Variants in ELAVL2 observed in about 807,000 individuals in gnomAD.
ELAVL2 encodes ELAV like RNA binding protein 2, also known as ELAV-like protein 2.
ELAVL2 carries 4 observed loss-of-function variants against 34.6 expected under a neutral mutation model. The observed-to-expected ratio is 0.12, with a 90% CI of 0.06 to 0.26. ELAVL2 has a LOEUF of 0.26. Ranked by LOEUF, ELAVL2 falls within the 10% of genes least tolerant of loss-of-function variation. The probability of loss-of-function intolerance (pLI) is 1.00; values close to 1 mark genes in which losing one functional copy is unlikely to be tolerated. For synonymous variants in ELAVL2, 193 were observed against 154.8 expected (o/e 1.25, Z -1.83); for missense variants, 432 against 442.8 (o/e 0.98, Z 0.22).
intron 2 of ELAVL2, among the ~76,000 whole-genome samples, chr9:23,737,750 C>T (rs2048237197): frequency 6.6e-6 from 1 of 152,064 alleles, no homozygotes; most frequent in South Asian, 2.1e-4. Flanking sequence ...GAATAAAAGC[C>T]GTGTGAATCT....
chr9:23,704,015 C>T (rs889643022), intron 4 of ELAVL2, among the ~76,000 whole-genome samples: 5 of 152,136 alleles, frequency 3.3e-5, no homozygotes, highest in African/African-American at 1.2e-4. Context: ...TCACCGTGAC[C>T]TCCGCCTCTG....
At chr9:23,745,548 G>GAA (rs963626965) in intron 2 of ELAVL2, among the ~76,000 whole-genome samples, 1 of 151,446 alleles carries the variant, frequency 6.6e-6, no homozygotes, top group Non-Finnish European at 1.5e-5. Flanking sequence ...TACTTGCTGG[G>GAA]AAAAAAAACA....
At chr9:23,748,855 A>G (rs763900572) in intron 2 of ELAVL2, among the ~76,000 whole-genome samples, 8 of 152,164 alleles carry the variant, frequency 5.3e-5, no homozygotes, top group Non-Finnish European at 1.2e-4. Flanking sequence ...AACAATTATC[A>G]TAATTTACTT....
At chr9:23,808,942 T>A (rs541804823) in intron 1 of ELAVL2, among the ~76,000 whole-genome samples, 33 of 152,284 alleles carry the variant, frequency 2.2e-4, no homozygotes, top group Non-Finnish European at 4.3e-4. Context: ...ACAAAATCTC[T>A]GGTAGTCTTC....
chr9:23,816,320 A>T (rs1383217985), intron 1 of ELAVL2, among the ~76,000 whole-genome samples: 4 of 139,384 alleles, frequency 2.9e-5, no homozygotes, highest in African/African-American at 8.2e-5. Flanking sequence ...CTTTCAGTAA[A>T]AAAAAAAAAA....
At chr9:23,701,342 G>T in intron 5 of ELAVL2, 37 bp downstream of exon 5, 1 of 1,604,214 alleles carries the variant, frequency 6.2e-7, no homozygotes, top group Non-Finnish European at 8.5e-7. Context: ...TTCTCTTTCA[G>T]TTTAGTAGCT....
chr9:23,791,144 T>A (rs969522769), intron 1 of ELAVL2, among the ~76,000 whole-genome samples: 1 of 152,154 alleles, frequency 6.6e-6, no homozygotes, highest in Non-Finnish European at 1.5e-5. Flanking sequence ...ATATCAATTG[T>A]CAAAACTCAA....
intron 1 of ELAVL2, among the ~76,000 whole-genome samples, chr9:23,768,091 T>C (rs527800520): frequency 1.2e-4 from 19 of 152,172 alleles, no homozygotes; most frequent in Non-Finnish European, 2.4e-4. Flanking sequence ...CTTAACAATG[T>C]TCCCAGGTAG....
intron 1 of ELAVL2, chr9:23,779,468 G>GGGCTTCCTTCT: frequency 4.2e-6 from 4 of 951,442 alleles, no homozygotes; most frequent in Non-Finnish European, 5.0e-6. Context: ...GTGGGTGGGC[G>GGGCTTCCTTCT]GGCTTCCTTC....
chr9:23,803,216 G>A (rs1161809686), intron 1 of ELAVL2, among the ~76,000 whole-genome samples: 1 of 152,116 alleles, frequency 6.6e-6, no homozygotes, highest in Non-Finnish European at 1.5e-5. Flanking sequence ...AGAAAAAAAC[G>A]TGAATCATCT....
At chr9:23,819,477 CAAG>C (rs550878693) in intron 1 of ELAVL2, among the ~76,000 whole-genome samples, 46 of 152,256 alleles carry the variant, frequency 3.0e-4, no homozygotes, top group Admixed American at 6.5e-4. Context: ...TTGCTCTAAA[CAAG>C]AAGCATATCC....
intron 5 of ELAVL2, among the ~76,000 whole-genome samples, chr9:23,695,103 ACAGT>A (rs1353119145): frequency 1.3e-5 from 2 of 152,228 alleles, no homozygotes; most frequent in African/African-American, 4.8e-5. Flanking sequence ...AGAGGTGAGT[ACAGT>A]CAAAGATGCC....
At chr9:23,816,346 A>AAAAG (rs754346684) in intron 1 of ELAVL2, among the ~76,000 whole-genome samples, 1 of 130,964 alleles carries the variant, frequency 7.6e-6, no homozygotes, top group African/African-American at 3.0e-5. Flanking sequence ...AAAAAAAAAA[A>AAAAG]GGGGATAAAA....
intron 1 of ELAVL2, among the ~76,000 whole-genome samples, chr9:23,774,332 C>CAA (rs2057857524): frequency 6.6e-6 from 1 of 151,566 alleles, no homozygotes; most frequent in Non-Finnish European, 1.5e-5. Flanking sequence ...AGCAAGGCTG[C>CAA]AGAGTCGTGT....
intron 2 of ELAVL2, among the ~76,000 whole-genome samples, chr9:23,737,035 G>A (rs544303590): frequency 6.6e-6 from 1 of 152,260 alleles, no homozygotes; most frequent in South Asian, 2.1e-4. Flanking sequence ...ACACTGTACA[G>A]TGCTCCTCTC....
chr9:23,735,088 A>G (rs2047492221), intron 2 of ELAVL2: 1 of 145,188 alleles, frequency 6.9e-6, no homozygotes, highest in Non-Finnish European at 1.5e-5. Context: ...GACCAAAATG[A>G]CAAAGCTAAG....
upstream of ELAVL2, among the ~76,000 whole-genome samples, chr9:23,831,169 C>G (rs1386289267): frequency 6.6e-6 from 1 of 152,176 alleles, no homozygotes. Flanking sequence ...GAGGCTCTTT[C>G]TTATATTGAA....
At chr9:23,790,216 G>C (rs1403455835) in intron 1 of ELAVL2, among the ~76,000 whole-genome samples, 1 of 152,084 alleles carries the variant, frequency 6.6e-6, no homozygotes, top group East Asian at 1.9e-4. Flanking sequence ...ACCAGAGAGA[G>C]ATGAGACAGA....
chr9:23,754,081 G>GT (rs1443678829), intron 2 of ELAVL2, among the ~76,000 whole-genome samples: 3 of 152,064 alleles, frequency 2.0e-5, no homozygotes, highest in Non-Finnish European at 2.9e-5. Flanking sequence ...TATTTTCCCA[G>GT]TAAACACTCT....
Sources: gnomAD v4.1 joint callset for allele counts (sites outside exome capture counted in the v4.1 genomes callset) on GRCh38, gnomAD v4.1.1 for gene constraint, MANE v1.5 for transcripts, NCBI Gene and HGNC (gene_info 2026-07-23, HGNC 2026-07-21) for gene names.